The following CIBAR1 variants were observed in gnomAD, a reference collection of about 807,000 sequenced individuals.
CIBAR1 encodes the protein CBY1 interacting BAR domain containing 1.
CIBAR1 carries 25 observed loss-of-function variants against 44.0 expected under a neutral mutation model. The ratio of observed to expected loss-of-function variants is 0.57; its 90% confidence interval spans 0.41 to 0.79. The LOEUF (loss-of-function observed/expected upper bound fraction) is 0.79. Ranked by LOEUF, CIBAR1 falls within the 30% of genes least tolerant of loss-of-function variation. CIBAR1 has a pLI of 0.00. For missense variants in CIBAR1, 278 were observed against 344.8 expected, an observed-to-expected ratio of 0.81 and a Z score of 1.53; for synonymous variants, 115 against 119.0, an observed-to-expected ratio of 0.97 and a Z score of 0.22.
At position 93,730,567 on chromosome 8, in the gene CIBAR1, T is replaced by C. The variant is rs1335569720; in HGVS notation, c.*2270T>C. On this transcript the variant is annotated 3_prime_UTR_variant, in exon 9 of 9. Coordinates refer to ENST00000518322, the MANE Select transcript of CIBAR1 (RefSeq NM_145269.5). ...GTGATGTGTACATGAAAATTTACTA[T>C]TCTTTTTTTATATTTGAAATTGATG... 1 of 152,194 alleles carries C rather than the reference T, an allele frequency of 6.6e-6. No homozygotes were observed. The highest frequency in any genetic ancestry group is 1.5e-5 in the Non-Finnish European group (1 of 68,042). 9.4% of individuals were successfully genotyped at this position (152,194 alleles called of 1,614,324 possible). A position where few individuals can be genotyped will look rare whatever the true frequency, so the allele number is the denominator to read the frequency against.
intron 8 of CIBAR1, chr8:93,727,151 T>A (rs1287720304): frequency 7.8e-7 from 1 of 1,284,392 alleles, no homozygotes; most frequent in Admixed American, 2.3e-5. Context: ...GGGCCGCAAC[T>A]TGCCAAACCC....
chr8:93,709,949 C>T, intron 6 of CIBAR1, 74 bp downstream of exon 6: 2 of 1,191,914 alleles, frequency 1.7e-6, no homozygotes, highest in Non-Finnish European at 2.4e-6. Context: ...ATTTAAATTA[C>T]TCTAAATTTT....
At chr8:93,701,612 A>G in intron 2 of CIBAR1, 154 bp downstream of exon 2, 1 of 666,706 alleles carries the variant, frequency 1.5e-6, no homozygotes, top group Non-Finnish European at 2.6e-6. Context: ...TGAGTCTATT[A>G]AAGAGAAGCG....
intron 6 of CIBAR1, among the ~76,000 whole-genome samples, chr8:93,713,547 T>C (rs886997175): frequency 6.6e-6 from 1 of 152,232 alleles, no homozygotes; most frequent in Non-Finnish European, 1.5e-5. Context: ...ATGTTATAGC[T>C]AAGAATCCAC....
At position 93,703,601 on chromosome 8, in the gene CIBAR1, T is replaced by A; in HGVS notation, c.262-19T>A. On this transcript the variant is annotated intron_variant, in intron 2 of 8. Transcript: ENST00000518322. ...AAATGTTAAACGTTCTAATTTAAAA[T>A]TTTAATAATTTTCAATAGGTTGAAA... The A allele has an allele frequency of 6.9e-7, 1 of 1,445,152 alleles. No individual in the cohort carries two copies. Among genetic ancestry groups the A allele is most frequent in the Non-Finnish European group, 9.4e-7 (1 of 1,064,746 alleles). The allele number at this position is 1,445,152 out of a possible 1,614,324, so 89.5% of individuals were successfully genotyped here.
chr8:93,708,632 C>G (rs566237391), intron 5 of CIBAR1, among the ~76,000 whole-genome samples: 1 of 152,222 alleles, frequency 6.6e-6, no homozygotes, highest in South Asian at 2.1e-4. Context: ...TAAGCATTAA[C>G]TAAATAGAAG....
At chr8:93,725,534 A>G (rs1474518371) in intron 7 of CIBAR1, among the ~76,000 whole-genome samples, 4 of 152,136 alleles carry the variant, frequency 2.6e-5, no homozygotes, top group African/African-American at 4.8e-5. Context: ...TGGAAAAGAA[A>G]TTTGTTTAAA....
chr8:93,701,085 G>T lies in CIBAR1; in HGVS notation c.27-139G>T, dbSNP rs1015539048. 7 of 1,482,266 alleles carry T rather than the reference G, an allele frequency of 4.7e-6. No individual in the cohort carries two copies. In the African/African-American group the frequency reaches 8.5e-5, roughly 18 times the overall value. 91.8% of individuals were successfully genotyped at this position (1,482,266 alleles called of 1,614,324 possible). On this transcript the variant is annotated intron_variant, in intron 1 of 8. Transcript: ENST00000518322. ...CAGGACCCCATGGAGAGCAGTCCGCGCCGGGAGACGCTGGGTCGTTGATGG... is the reference window on the plus strand; with the variant it reads ...CAGGACCCCATGGAGAGCAGTCCGCTCCGGGAGACGCTGGGTCGTTGATGG...
At chr8:93,711,875 A>C (rs1488924796) in intron 6 of CIBAR1, among the ~76,000 whole-genome samples, 1 of 152,168 alleles carries the variant, frequency 6.6e-6, no homozygotes, top group Non-Finnish European at 1.5e-5. Flanking sequence ...AACCCCACAG[A>C]GAAAGTGAGT....
At chr8:93,706,804 A>C (rs1810601438) in intron 4 of CIBAR1, among the ~76,000 whole-genome samples, 1 of 152,234 alleles carries the variant, frequency 6.6e-6, no homozygotes, top group African/African-American at 2.4e-5. Flanking sequence ...TGAGACCAAA[A>C]CATGAAGGAC....
intron 7 of CIBAR1, among the ~76,000 whole-genome samples, chr8:93,724,753 T>A (rs1352024174): frequency 6.6e-6 from 1 of 152,192 alleles, no homozygotes; most frequent in African/African-American, 2.4e-5. Context: ...ATTCAGCTCC[T>A]CGGCCACGTG....
At chr8:93,709,017 A>T (rs1810714264) in intron 5 of CIBAR1, among the ~76,000 whole-genome samples, 1 of 152,120 alleles carries the variant, frequency 6.6e-6, no homozygotes, top group South Asian at 2.1e-4. Context: ...GGTGGCTTAC[A>T]CCTGTAATCC....
intron 7 of CIBAR1, among the ~76,000 whole-genome samples, chr8:93,724,786 A>G (rs1457635305): frequency 1.3e-5 from 2 of 152,232 alleles, no homozygotes; most frequent in Non-Finnish European, 2.9e-5. Flanking sequence ...AGTGCTTAGT[A>G]GCCACACATG....
chr8:93,727,084 T>TG, intron 8 of CIBAR1: 1 of 636,070 alleles, frequency 1.6e-6, no homozygotes, highest in Non-Finnish European at 2.6e-6. Context: ...AAGTAACACA[T>TG]AAAGCAGTAT....
At chr8:93,718,882 GA>G (rs1476845874) in intron 7 of CIBAR1, 94 bp downstream of exon 7, 3 of 691,584 alleles carry the variant, frequency 4.3e-6, no homozygotes, top group Admixed American at 7.0e-5. Flanking sequence ...TTTTTTTTTT[GA>G]GACAGAGTCT....
At position 93,712,807 on chromosome 8, in the gene CIBAR1, C is replaced by CTT. The variant is rs34273549; in HGVS notation, c.543+2946_543+2947dup. 1.5e-3 allele frequency among the ~76,000 whole-genome samples: 211 copies of CTT among 137,036 alleles called. 2 individuals carry two copies. Among genetic ancestry groups the CTT allele is most frequent in the Non-Finnish European group, 2.0e-3 (126 of 64,528 alleles). 89.9% of individuals were successfully genotyped at this position (137,036 alleles called of 152,430 possible). On this transcript the variant is annotated intron_variant, in intron 6 of 8. Transcript: ENST00000518322. Reference sequence around the variant, plus strand: ...TTTTGACTTACATTCCATGATGATGCTTTTTTTTTTTTTTTCTTAAGATAG... The same window carrying CTT: ...TTTTGACTTACATTCCATGATGATGCTTTTTTTTTTTTTTTTTCTTAAGATAG...
In CIBAR1 at chr8:93,728,009, C is replaced by A. The variant is rs781257537; in HGVS notation, c.778-196C>A. Among the ~76,000 whole-genome samples the A allele has an allele frequency of 4.0e-5, 6 of 151,502 alleles. No homozygotes were observed. In the South Asian group the frequency reaches 8.3e-4, roughly 21 times the overall value. ...AAATGGCTAATTACACATTTTTATT[C>A]AAAAAAATGTGATGAATGAAAAAAC... On this transcript the variant is annotated intron_variant, in intron 8 of 8. Coordinates refer to ENST00000518322, the MANE Select transcript of CIBAR1 (RefSeq NM_145269.5).
At chr8:93,709,686 C>A in intron 5 of CIBAR1, 85 bp from the exon 6 acceptor site, 8 of 1,056,362 alleles carry the variant, frequency 7.6e-6, no homozygotes, top group Non-Finnish European at 1.2e-5. Flanking sequence ...GCCAGTACTG[C>A]AATGGTAGAA....
intron 1 of CIBAR1, 98 bp downstream of exon 1, chr8:93,700,771 C>T (rs1338406439): frequency 7.2e-7 from 1 of 1,380,996 alleles, no homozygotes; most frequent in Admixed American, 3.5e-5. Flanking sequence ...CGCCGAATTC[C>T]GACCCTGAGT....
Sources: allele counts gnomAD v4.1 joint callset (sites outside exome capture counted in the v4.1 genomes callset), GRCh38; gene constraint gnomAD v4.1.1; transcripts MANE v1.5; gene names NCBI Gene and HGNC (gene_info 2026-07-23, HGNC 2026-07-21).